Variants in RPL28 observed in about 807,000 individuals in gnomAD.
RPL28 encodes the protein large ribosomal subunit protein eL28.
In RPL28, 4 loss-of-function variants were observed where a neutral mutation model predicts 12.5. The observed-to-expected ratio is 0.32, with a 90% CI of 0.16 to 0.73. RPL28 has a LOEUF of 0.73. Among genes scored for constraint, RPL28 ranks in the 30% least tolerant of loss-of-function variants. The pLI, the probability that RPL28 is intolerant of heterozygous loss-of-function variation, is 0.66. For synonymous variants in RPL28, 91 were observed against 72.5 expected (o/e 1.26, Z -1.30); for missense variants, 214 against 197.7 (o/e 1.08, Z -0.49).
downstream of RPL28, among the ~76,000 whole-genome samples, chr19:55,393,446 C>T (rs552661810): frequency 3.5e-4 from 54 of 152,150 alleles, no homozygotes; most frequent in African/African-American, 1.2e-3. Context: ...GTATAATTCA[C>T]GTAACATAAA....
At chr19:55,387,217 G>C (rs1325192330) in intron 3 of RPL28, 1 of 1,456,524 alleles carries the variant, frequency 6.9e-7, no homozygotes, top group Non-Finnish European at 9.4e-7. Flanking sequence ...GTTCGTGTGA[G>C]TCGGGGGTCT....
At chr19:55,401,748 C>G (rs781076341) in intron 4 of RPL28, 10 of 1,613,136 alleles carry the variant, frequency 6.2e-6, no homozygotes, top group African/African-American at 1.3e-5. Flanking sequence ...GGTGGATCAG[C>G]AGGCACTTGA....
At chr19:55,393,149 G>T (rs2090001886), downstream of RPL28, among the ~76,000 whole-genome samples, 1 of 137,220 alleles carries the variant, frequency 7.3e-6, no homozygotes, top group Non-Finnish European at 1.6e-5. Context: ...ACACCCGCCC[G>T]CTCCCCTGCT....
Position 55,391,889 on chromosome 19 carries a change from T to C in RPL28, c.*3557T>C. 1 of 1,349,256 alleles carries C rather than the reference T, an allele frequency of 7.4e-7. No individual in the cohort carries two copies. The highest frequency in any genetic ancestry group is 9.6e-7 in the Non-Finnish European group (1 of 1,045,762). The allele number at this position is 1,349,256 out of a possible 1,614,324, so 83.6% of individuals were successfully genotyped here. A position where few individuals can be genotyped will look rare whatever the true frequency, so the allele number is the denominator to read the frequency against. On this transcript the variant is annotated 3_prime_UTR_variant, in exon 5 of 5. Coordinates refer to ENST00000344063, the MANE Select transcript of RPL28 (RefSeq NM_000991.5). ...GAAGACATGCCAGATCCATGTGCAG[T>C]AATGCCTGGTGGCTCCAGGTCTGCC... is the stretch of plus-strand genomic sequence containing the variant.
At chr19:55,402,757 C>G (rs2090069788) in intron 4 of RPL28, among the ~76,000 whole-genome samples, 1 of 152,116 alleles carries the variant, frequency 6.6e-6, no homozygotes, top group African/African-American at 2.4e-5. Context: ...TGCCAATGTC[C>G]CCAGCAGCCT....
chr19:55,389,963 A>G lies in RPL28; in HGVS notation c.*1631A>G. The G allele has an allele frequency of 3.0e-6, 3 of 985,492 alleles. No homozygotes were observed. The highest frequency in any genetic ancestry group is 3.6e-6 in the Non-Finnish European group (3 of 829,994). 61.0% of individuals were successfully genotyped at this position (985,492 alleles called of 1,614,324 possible). A position where few individuals can be genotyped will look rare whatever the true frequency, so the allele number is the denominator to read the frequency against. On this transcript the variant is annotated 3_prime_UTR_variant, in exon 5 of 5. Transcript: ENST00000344063. ...CTCACTGCGCTGGGACTCCGCCTTC[A>G]TAAGGAGAGCTCACTGCTCACGTTA... is the stretch of plus-strand genomic sequence containing the variant.
chr19:55,392,518 C>G (rs1030222353), downstream of RPL28, among the ~76,000 whole-genome samples: 1 of 151,730 alleles, frequency 6.6e-6, no homozygotes, highest in African/African-American at 2.4e-5. Flanking sequence ...CAAGCGTGAG[C>G]CACTGCACCC....
chr19:55,386,250 C>G, intron 1 of RPL28, 100 bp from the exon 2 acceptor site: 1 of 1,113,280 alleles, frequency 9.0e-7, no homozygotes, highest in Non-Finnish European at 1.3e-6. Flanking sequence ...CACCCAAGTT[C>G]CCAGTCGCTC....
At chr19:55,387,019 C>T in intron 3 of RPL28, 1 of 1,441,882 alleles carries the variant, frequency 6.9e-7, no homozygotes, top group South Asian at 1.5e-5. Context: ...ATGGTTTCAT[C>T]CCACAGGTGG....
At chr19:55,387,764 CTG>C (rs1024546457) in intron 3 of RPL28, 164 bp from the exon 4 acceptor site, 162 of 1,460,140 alleles carry the variant, frequency 1.1e-4, no homozygotes, top group Middle Eastern at 5.2e-4. Flanking sequence ...GAGTGAGCCT[CTG>C]TGAAATGGAC....
downstream of RPL28, among the ~76,000 whole-genome samples, chr19:55,393,371 T>C (rs557018685): frequency 6.1e-3 from 923 of 150,124 alleles, 11 homozygotes; most frequent in African/African-American, 0.02. Context: ...GAGGCCTCTC[T>C]CCTCCCTGAA....
At chr19:55,401,162 T>C (rs767920428) in intron 4 of RPL28, 2 of 515,838 alleles carry the variant, frequency 3.9e-6, no homozygotes, top group East Asian at 3.4e-5. Flanking sequence ...GTGAGCTAGA[T>C]GGACCCACTG....
Position 55,391,402 on chromosome 19 carries a change from T to C in RPL28, c.*3070T>C. 7.8e-7 allele frequency: 1 copy of C among 1,286,696 alleles called. No homozygotes were observed. The highest frequency in any genetic ancestry group is 9.9e-7 in the Non-Finnish European group (1 of 1,014,102). 79.7% of individuals were successfully genotyped at this position (1,286,696 alleles called of 1,614,324 possible). On this transcript the variant is annotated 3_prime_UTR_variant, in exon 5 of 5. Transcript: ENST00000344063. ...AGGCAGGTGTCTCAGTGTTCACTGC[T>C]GTCTCTCCAGCTCTTAGTCCAGTAG...
chr19:55,402,939 T>C (rs1429276340), intron 4 of RPL28: 31 of 1,522,586 alleles, frequency 2.0e-5, no homozygotes, highest in Middle Eastern at 3.4e-4. Context: ...TTTTTTTTTT[T>C]CAGCTTGCGG....
In RPL28 at chr19:55,390,673, A is replaced by C; in HGVS notation, c.*2341A>C. 2 of 985,332 alleles carry C rather than the reference A, an allele frequency of 2.0e-6. No individual in the cohort carries two copies. Among genetic ancestry groups the C allele is most frequent in the South Asian group, 9.4e-5 (2 of 21,272 alleles). 61.0% of individuals were successfully genotyped at this position (985,332 alleles called of 1,614,324 possible). The stretch of plus-strand genomic sequence containing the variant: ...TCTCATCCGTAACACAGCCCAGCTT[A>C]GTGGGCCTCTGTTCCTGCGGGTGGC... On this transcript the variant is annotated 3_prime_UTR_variant, in exon 5 of 5. Coordinates refer to ENST00000344063, the MANE Select transcript of RPL28 (RefSeq NM_000991.5).
chr19:55,387,380 C>A, intron 3 of RPL28: 2 of 1,551,192 alleles, frequency 1.3e-6, no homozygotes, highest in Non-Finnish European at 1.7e-6. Flanking sequence ...GGCTAGTGAT[C>A]CTCCTGTCTC....
Position 55,388,058 on chromosome 19 carries a change from G to C in RPL28, c.324+10G>C. On this transcript the variant is annotated intron_variant, in intron 4 of 4. Transcript: ENST00000344063. ...CCCCGACCTGCGCATGGTGAGCTGG[G>C]GTTTGGGGATCAGGCTTGGGGAGAC... The C allele has an allele frequency of 1.2e-6, 2 of 1,613,740 alleles. No individual in the cohort carries two copies. The highest frequency in any genetic ancestry group is 2.2e-5 in the South Asian group (2 of 91,044).
chr19:55,402,217 C>T (rs575661002), intron 4 of RPL28, among the ~76,000 whole-genome samples: 1 of 152,348 alleles, frequency 6.6e-6, no homozygotes, highest in African/African-American at 2.4e-5. Context: ...CCCAGGGCCT[C>T]AGGATTTGAG....
At chr19:55,386,266 C>T in intron 1 of RPL28, 84 bp from the exon 2 acceptor site, 2 of 1,307,130 alleles carry the variant, frequency 1.5e-6, no homozygotes, top group East Asian at 2.5e-5. Context: ...CGCTCTCTTC[C>T]TCTGCTGTCC....
Sources: gnomAD v4.1 joint callset for allele counts (sites outside exome capture counted in the v4.1 genomes callset) on GRCh38, gnomAD v4.1.1 for gene constraint, MANE v1.5 for transcripts, NCBI Gene and HGNC (gene_info 2026-07-23, HGNC 2026-07-21) for gene names.